The following HERC1 variants were observed in gnomAD, a reference collection of about 807,000 sequenced individuals.
HERC1 encodes probable E3 ubiquitin-protein ligase HERC1.
A neutral mutation model predicts 554.3 loss-of-function variants in HERC1; 160 were observed. That is an observed-to-expected ratio of 0.29 (90% CI 0.25 to 0.33). HERC1 has a LOEUF of 0.33. Ranked by LOEUF, HERC1 falls within the 10% of genes least tolerant of loss-of-function variation. The probability of loss-of-function intolerance (pLI) is 1.00; values close to 1 mark genes in which losing one functional copy is unlikely to be tolerated. For missense variants in HERC1, 4,919 were observed against 5,918.5 expected, an observed-to-expected ratio of 0.83 and a Z score of 5.54; for synonymous variants, 2,175 against 2,131.7, an observed-to-expected ratio of 1.02 and a Z score of -0.56.
intron 47 of HERC1, among the ~76,000 whole-genome samples, chr15:63,659,299 T>A (rs1356951042): frequency 6.6e-6 from 1 of 152,206 alleles, no homozygotes; most frequent in African/African-American, 2.4e-5. Flanking sequence ...TCACCCAGGC[T>A]GGAGTGCAGT....
chr15:63,617,218 T>A (rs1035162462), intron 74 of HERC1, among the ~76,000 whole-genome samples: 2 of 152,292 alleles, frequency 1.3e-5, no homozygotes, highest in East Asian at 1.9e-4. Flanking sequence ...TGTCCATGTG[T>A]TCTCATTGTT....
intron 1 of HERC1, among the ~76,000 whole-genome samples, chr15:63,821,500 G>A (rs1021599317): frequency 4.7e-5 from 7 of 149,134 alleles, no homozygotes; most frequent in Non-Finnish European, 1.0e-4. Context: ...AGGCTGCAAT[G>A]AGCCGAGATC....
intron 1 of HERC1, among the ~76,000 whole-genome samples, chr15:63,829,508 A>T (rs2078065727): frequency 8.5e-6 from 1 of 118,280 alleles, no homozygotes; most frequent in South Asian, 2.5e-4. Context: ...ATACACACAC[A>T]CACATATATA....
In HERC1 at chr15:63,734,715, A is replaced by G. The variant is rs772319761; in HGVS notation, c.2646+9T>C. 6 of 1,527,252 alleles carry G rather than the reference A, an allele frequency of 3.9e-6. No individual in the cohort carries two copies. Among genetic ancestry groups the G allele is most frequent in the Non-Finnish European group, 5.2e-6 (6 of 1,146,244 alleles). 94.6% of individuals were successfully genotyped at this position (1,527,252 alleles called of 1,614,324 possible). ...TACTGGTTTACTTACACAGCAAGCA[A>G]AGGCCTACCTGTCCTTTAGATAAGC... On this transcript the variant is annotated intron_variant, in intron 13 of 77. Coordinates refer to ENST00000443617, the MANE Select transcript of HERC1 (RefSeq NM_003922.4). The surrounding 1 kb of genome is among the most constrained non-coding windows in gnomAD (Gnocchi z 4.6).
intron 57 of HERC1, 27 bp downstream of exon 57, chr15:63,644,965 C>G (rs769472152): frequency 1.8e-5 from 27 of 1,504,282 alleles, no homozygotes; most frequent in African/African-American, 6.9e-5. Context: ...TAGTTTCAGA[C>G]AGTCTTCAAA....
At position 63,774,538 on chromosome 15, in the gene HERC1, TAA is replaced by T. The variant is rs560799789; in HGVS notation, c.930+154_930+155del. Among the ~76,000 whole-genome samples, 12 of 152,334 alleles carry T rather than the reference TAA, an allele frequency of 7.9e-5. No homozygotes were observed. The East Asian group carries it at 2.1e-3, about 27-fold the overall frequency. ...ACCAACCATATATTATCAACATGCA[TAA>T]AAGTTTCTTCACTCCAAGTATATGA... On this transcript the variant is annotated intron_variant, in intron 2 of 77. Transcript: ENST00000443617.
intron 4 of HERC1, among the ~76,000 whole-genome samples, chr15:63,757,088 C>T (rs2075441245): frequency 6.6e-6 from 1 of 150,962 alleles, no homozygotes; most frequent in Non-Finnish European, 1.5e-5. Flanking sequence ...CCTTAGGGTA[C>T]ATTATGGCAA....
At chr15:63,792,411 TTC>T (rs1453229777) in intron 1 of HERC1, among the ~76,000 whole-genome samples, 1 of 152,164 alleles carries the variant, frequency 6.6e-6, no homozygotes, top group Non-Finnish European at 1.5e-5. Flanking sequence ...TATAAATAAC[TTC>T]TAGTGCAGAA....
intron 19 of HERC1, among the ~76,000 whole-genome samples, chr15:63,719,738 TGATA>T (rs1245749011): frequency 3.9e-5 from 6 of 152,222 alleles, no homozygotes; most frequent in African/African-American, 9.6e-5. Flanking sequence ...CAGAATTTGT[TGATA>T]GATCAGATCT....
At chr15:63,790,644 T>C (rs1309466101) in intron 1 of HERC1, among the ~76,000 whole-genome samples, 2 of 151,992 alleles carry the variant, frequency 1.3e-5, no homozygotes, top group Non-Finnish European at 2.9e-5. Flanking sequence ...AAACTCAGGA[T>C]AGTGATTGCC....
chr15:63,630,354 G>T, intron 69 of HERC1, 112 bp downstream of exon 69: 2 of 1,057,014 alleles, frequency 1.9e-6, no homozygotes, highest in Non-Finnish European at 1.4e-6. Context: ...AAAGTGATGT[G>T]CTTGGAGTAT....
intron 10 of HERC1, among the ~76,000 whole-genome samples, chr15:63,748,240 T>A (rs1263082610): frequency 6.6e-6 from 1 of 151,830 alleles, no homozygotes; most frequent in Non-Finnish European, 1.5e-5. Context: ...AATATATATA[T>A]ACATATATAC....
chr15:63,712,410 G>C (rs1028873884), intron 24 of HERC1, among the ~76,000 whole-genome samples: 5 of 152,196 alleles, frequency 3.3e-5, no homozygotes, highest in African/African-American at 9.6e-5. Context: ...ATGATCCCAA[G>C]TTTCTTGCTT....
chr15:63,716,154 G>T, intron 22 of HERC1, 148 bp downstream of exon 22: 1 of 679,912 alleles, frequency 1.5e-6, no homozygotes, highest in Non-Finnish European at 2.5e-6. Flanking sequence ...AGGAGCCCCT[G>T]TCAGCTAATA....
At chr15:63,678,456 C>T (rs2071312988) in intron 36 of HERC1, 91 bp from the exon 37 acceptor site, 2 of 1,412,176 alleles carry the variant, frequency 1.4e-6, no homozygotes, top group Admixed American at 5.6e-5. Flanking sequence ...CCATGTTGAA[C>T]TAGTATTTGG....
In HERC1 at chr15:63,680,866, A is replaced by T; in HGVS notation, c.6226-90T>A. ...AACCAATACTGAAAATATGTTTATA[A>T]ATAATACTAATGCATTTATGGAAAC... On this transcript the variant is annotated intron_variant, in intron 34 of 77. Coordinates refer to ENST00000443617, the MANE Select transcript of HERC1 (RefSeq NM_003922.4). This position sits in a 1 kb window ranked among gnomAD's most constrained non-coding sequence, Gnocchi z 5.8. 1.3e-6 allele frequency: 1 copy of T among 799,218 alleles called. No homozygotes were observed. 49.5% of individuals were successfully genotyped at this position (799,218 alleles called of 1,614,324 possible). A position where few individuals can be genotyped will look rare whatever the true frequency, so the allele number is the denominator to read the frequency against.
Position 63,659,797 on chromosome 15 carries a change from C to T in HERC1, c.9363G>A (p.Leu3121=). ...CTGTGACCATTGCTACTGATGCTCC[C>T]AGTGGATCGCTGTCAGGGAACTGAA... ...EPVQFPDSDP[L]GASVAMVTAT... is the part of the protein sequence containing the mutation. Residue 3121 remains leucine (L), a synonymous_variant, in exon 47 of 78, where the codon CTG becomes CTA. Coordinates refer to ENST00000443617, the MANE Select transcript of HERC1 (RefSeq NM_003922.4). The T allele has an allele frequency of 6.2e-7, 1 of 1,613,956 alleles. No homozygotes were observed. Among genetic ancestry groups the T allele is most frequent in the African/African-American group, 1.3e-5 (1 of 75,048 alleles).
rs763061884 is a variant in HERC1 at position 63,733,027 on chromosome 15, C to G, written c.2765G>C (p.Gly922Ala). The change falls in exon 14 of 78, where the codon GGA becomes GCA. Residue 922 changes from glycine to alanine, a missense_variant. Transcript: ENST00000443617. The stretch of plus-strand genomic sequence containing the variant: ...GCCGTAAGGTTGATCTGACAGATTT[C>G]CGTAGCCAGTACACACAGAAGATAG... Reference protein sequence around the residue: ...ADLSSVCTGYGNLSDQPYGTQ... With the variant: ...ADLSSVCTGYANLSDQPYGTQ... 1 of 1,613,910 alleles carries G rather than the reference C, an allele frequency of 6.2e-7. No individual in the cohort carries two copies. Among genetic ancestry groups the G allele is most frequent in the Non-Finnish European group, 8.5e-7 (1 of 1,179,842 alleles).
At position 63,640,139 on chromosome 15, in the gene HERC1, A is replaced by G. The variant is rs767148510; in HGVS notation, c.11901+13T>C. ...TCTCAGCTGCAAATAATAGCAGCTC[A>G]CAGTACATTTACCATTAGAAATACA... On this transcript the variant is annotated intron_variant, in intron 61 of 77. Transcript: ENST00000443617. 2 of 1,610,816 alleles carry G rather than the reference A, an allele frequency of 1.2e-6. No homozygotes were observed. Among genetic ancestry groups the G allele is most frequent in the East Asian group, 4.5e-5 (2 of 44,844 alleles).
Sources: allele counts gnomAD v4.1 joint callset (sites outside exome capture counted in the v4.1 genomes callset), GRCh38; gene constraint gnomAD v4.1.1; non-coding constraint Gnocchi (gnomAD v3.1); transcripts MANE v1.5; gene names NCBI Gene and HGNC (gene_info 2026-07-23, HGNC 2026-07-21).